STXBP6: variants seen among roughly 807,000 people sequenced by gnomAD.
STXBP6 encodes the protein syntaxin-binding protein 6.
In STXBP6, 21 loss-of-function variants were observed where a neutral mutation model predicts 26.9. The ratio of observed to expected loss-of-function variants is 0.78; its 90% CI spans 0.55 to 1.12. The LOEUF (loss-of-function observed/expected upper bound fraction) is 1.12. Among genes scored for constraint, STXBP6 ranks in the 50% most tolerant of loss-of-function variants. The pLI, the probability that STXBP6 is intolerant of heterozygous loss-of-function variation, is 0.00. For missense variants in STXBP6, 232 were observed against 257.9 expected (o/e 0.90, Z 0.69); for synonymous variants, 97 against 92.6 (o/e 1.05, Z -0.27).
intron 2 of STXBP6, among the ~76,000 whole-genome samples, chr14:24,882,891 C>T (rs2070427034): frequency 6.6e-6 from 1 of 152,038 alleles, no homozygotes. Flanking sequence ...TTCTTTCAGT[C>T]AGTAATATTT....
At chr14:24,917,528 G>A (rs1338590798) in intron 2 of STXBP6, among the ~76,000 whole-genome samples, 2 of 152,054 alleles carry the variant, frequency 1.3e-5, no homozygotes, top group Non-Finnish European at 2.9e-5. Context: ...TTGCATTTCA[G>A]TGCTGGGAAA....
intron 1 of STXBP6, among the ~76,000 whole-genome samples, chr14:25,014,713 C>T (rs1009591873): frequency 6.6e-6 from 1 of 152,102 alleles, no homozygotes; most frequent in Non-Finnish European, 1.5e-5. Flanking sequence ...GTCTCTGAAC[C>T]GTAGACATCT....
intron 4 of STXBP6, among the ~76,000 whole-genome samples, chr14:24,829,282 G>C (rs2068383487): frequency 6.6e-6 from 1 of 152,128 alleles, no homozygotes; most frequent in South Asian, 2.1e-4. Context: ...TGTCTTGTCT[G>C]TTTAAAGTAT....
intron 2 of STXBP6, among the ~76,000 whole-genome samples, chr14:24,906,493 G>A (rs778566787): frequency 1.3e-5 from 2 of 152,002 alleles, no homozygotes; most frequent in Non-Finnish European, 2.9e-5. Flanking sequence ...CTATGTTTGG[G>A]GAATTTCAAA....
intron 2 of STXBP6, among the ~76,000 whole-genome samples, chr14:24,968,170 A>AATATATATAT (rs72223372): frequency 0.024 from 3,425 of 144,228 alleles, 151 homozygotes; most frequent in African/African-American, 0.081. Flanking sequence ...TATAATAAAG[A>AATATATATAT]ATATATATAT....
chr14:24,904,525 C>T (rs951257277), intron 2 of STXBP6, among the ~76,000 whole-genome samples: 1 of 152,128 alleles, frequency 6.6e-6, no homozygotes. Context: ...AAAATTCAGC[C>T]TTTGAAGCTT....
intron 4 of STXBP6, among the ~76,000 whole-genome samples, chr14:24,851,116 G>A (rs1409430370): frequency 1.3e-5 from 2 of 152,000 alleles, no homozygotes; most frequent in African/African-American, 4.8e-5. Flanking sequence ...GAGCCATGTG[G>A]GATTTGCTCA....
chr14:24,903,225 TTC>T (rs899037805), intron 2 of STXBP6, among the ~76,000 whole-genome samples: 90 of 152,308 alleles, frequency 5.9e-4, no homozygotes, highest in African/African-American at 2.1e-3. Flanking sequence ...GATTTGATTA[TTC>T]TCTGTTTTGT....
In STXBP6 at chr14:24,809,750, A is replaced by T. The variant is rs978321848; in HGVS notation, c.*2959T>A. ...GTTACTTATCTCTGAATTAAACAAAAATTATATTTGACATCTCAGAGAACT... is the reference window on the plus strand; with the variant it reads ...GTTACTTATCTCTGAATTAAACAAATATTATATTTGACATCTCAGAGAACT... On this transcript the variant is annotated 3_prime_UTR_variant, in exon 6 of 6. Transcript: ENST00000323944. The T allele has an allele frequency of 6.6e-6, 1 of 152,212 alleles. No homozygotes were observed. The highest frequency in any genetic ancestry group is 6.5e-5 in the Admixed American group (1 of 15,280). The allele number at this position is 152,212 out of a possible 1,614,324, so 9.4% of individuals were successfully genotyped here. A position where few individuals can be genotyped will look rare whatever the true frequency, so the allele number is the denominator to read the frequency against.
chr14:24,975,439 C>T (rs2074020286), intron 1 of STXBP6, among the ~76,000 whole-genome samples: 1 of 152,194 alleles, frequency 6.6e-6, no homozygotes, highest in African/African-American at 2.4e-5. Flanking sequence ...TTATTAGCTT[C>T]TCCCAATGGG....
intron 2 of STXBP6, among the ~76,000 whole-genome samples, chr14:24,882,247 C>T (rs527706268): frequency 3.4e-4 from 51 of 148,958 alleles, no homozygotes; most frequent in Admixed American, 1.0e-3. Context: ...GGCGTAGTGG[C>T]GGGCGCCTGT....
At chr14:24,852,855 T>C (rs2069199523) in intron 4 of STXBP6, among the ~76,000 whole-genome samples, 1 of 152,140 alleles carries the variant, frequency 6.6e-6, no homozygotes, top group Non-Finnish European at 1.5e-5. Flanking sequence ...TCCTGGAGCA[T>C]GCCACTCAGT....
intron 1 of STXBP6, among the ~76,000 whole-genome samples, chr14:25,007,252 C>T (rs975295263): frequency 1.3e-5 from 2 of 152,216 alleles, no homozygotes; most frequent in Non-Finnish European, 2.9e-5. Context: ...AGTAAGTTAT[C>T]TGCATGTGTA....
At chr14:24,886,430 T>A (rs2070591348) in intron 2 of STXBP6, among the ~76,000 whole-genome samples, 1 of 152,198 alleles carries the variant, frequency 6.6e-6, no homozygotes, top group African/African-American at 2.4e-5. Flanking sequence ...TTATAAATGA[T>A]AATGCATCTA....
At chr14:24,996,809 C>T (rs887045109) in intron 1 of STXBP6, among the ~76,000 whole-genome samples, 22 of 143,230 alleles carry the variant, frequency 1.5e-4, no homozygotes, top group East Asian at 6.3e-4. Context: ...GAGCCAAGAT[C>T]GCGCCATTGT....
At chr14:24,897,138 C>A (rs541345702) in intron 2 of STXBP6, among the ~76,000 whole-genome samples, 1 of 151,980 alleles carries the variant, frequency 6.6e-6, no homozygotes, top group Non-Finnish European at 1.5e-5. Flanking sequence ...AGGCTGGGTG[C>A]GGTGGCTCAT....
In STXBP6 at chr14:24,998,841, T is replaced by G. The variant is rs4271529; in HGVS notation, c.-32-23991A>C. Among the ~76,000 whole-genome samples the G allele has an allele frequency of 5.4e-3, 822 of 152,286 alleles. 8 individuals are homozygous for G. The highest frequency in any genetic ancestry group is 0.019 in the African/African-American group (779 of 41,554). Reference sequence around the variant, plus strand: ...CAATGAATTCTCCTTAAAAAATCAATAGTCTGTCTTCAATATTCAAGGGAT... The same window carrying G: ...CAATGAATTCTCCTTAAAAAATCAAGAGTCTGTCTTCAATATTCAAGGGAT... On this transcript the variant is annotated intron_variant, in intron 1 of 5. Transcript: ENST00000323944.
At position 24,833,626 on chromosome 14, in the gene STXBP6, G is replaced by T. The variant is rs370226369; in HGVS notation, c.452-14432C>A. ...TTATTTTCATTGGCATTCATCTTGG[G>T]TTGTGCTATTGTAATCAGCATACAG... On this transcript the variant is annotated intron_variant, in intron 4 of 5. Transcript: ENST00000323944. Among the ~76,000 whole-genome samples the T allele has an allele frequency of 2.9e-3, 435 of 152,254 alleles. 4 individuals are homozygous for T. Among genetic ancestry groups the T allele is most frequent in the African/African-American group, 0.01 (423 of 41,548 alleles).
chr14:24,994,166 G>GTA (rs2074540988), intron 1 of STXBP6, among the ~76,000 whole-genome samples: 1 of 152,184 alleles, frequency 6.6e-6, no homozygotes, highest in African/African-American at 2.4e-5. Flanking sequence ...GGTACCAGGA[G>GTA]TAGTTCTGAA....
Sources: gnomAD v4.1 joint callset for allele counts (sites outside exome capture counted in the v4.1 genomes callset) on GRCh38, gnomAD v4.1.1 for gene constraint, MANE v1.5 for transcripts, NCBI Gene and HGNC (gene_info 2026-07-23, HGNC 2026-07-21) for gene names.